LMNTD1: variants seen among roughly 807,000 people sequenced by gnomAD.
LMNTD1 encodes lamin tail domain containing 1.
A neutral mutation model predicts 50.9 loss-of-function variants in LMNTD1; 35 were observed. The observed-to-expected ratio is 0.69, with a 90% confidence interval of 0.53 to 0.91. The LOEUF (loss-of-function observed/expected upper bound fraction) is 0.91. Ranked by LOEUF, LMNTD1 falls within the 40% of genes least tolerant of loss-of-function variation. The pLI is 0.00. For synonymous variants in LMNTD1, 153 were observed against 161.9 expected (o/e 0.94, Z 0.42); for missense variants, 470 against 475.5 (o/e 0.99, Z 0.11).
chr12:25,620,578 T>C (rs912720839), intron 1 of LMNTD1, among the ~76,000 whole-genome samples: 28 of 152,164 alleles, frequency 1.8e-4, no homozygotes, highest in African/African-American at 6.5e-4. Context: ...CTGCTGCTAT[T>C]ATGTGACTCT....
At chr12:25,519,609 G>A (rs1386700579) in intron 7 of LMNTD1, among the ~76,000 whole-genome samples, 176 of 67,624 alleles carry the variant, frequency 2.6e-3, no homozygotes, top group East Asian at 7.0e-3. Flanking sequence ...AAAAAAAAAA[G>A]TGAAATGGCC....
At chr12:25,643,446 T>C (rs1363135973) in intron 1 of LMNTD1, among the ~76,000 whole-genome samples, 1 of 152,174 alleles carries the variant, frequency 6.6e-6, no homozygotes, top group Non-Finnish European at 1.5e-5. Flanking sequence ...GGCCGGATGA[T>C]AGAGGGCTTT....
chr12:25,642,213 G>C (rs1946970661), intron 1 of LMNTD1, among the ~76,000 whole-genome samples: 1 of 152,166 alleles, frequency 6.6e-6, no homozygotes, highest in African/African-American at 2.4e-5. Flanking sequence ...GAATGTTTGT[G>C]ATCCTTCCCC....
chr12:25,627,551 T>A (rs1375788134), intron 1 of LMNTD1, among the ~76,000 whole-genome samples: 1 of 152,174 alleles, frequency 6.6e-6, no homozygotes, highest in Non-Finnish European at 1.5e-5. Context: ...TAAACTCGAA[T>A]CAGTGAAAAT....
At chr12:25,501,753 T>C (rs1420181900) in intron 9 of LMNTD1, among the ~76,000 whole-genome samples, 1 of 152,154 alleles carries the variant, frequency 6.6e-6, no homozygotes, top group Non-Finnish European at 1.5e-5. Flanking sequence ...AGGATGCTCA[T>C]GAATACCAGT....
rs186563567 is a variant in LMNTD1, at chr12:25,527,572, T to C, written c.492-617A>G. On this transcript the variant is annotated intron_variant, in intron 4 of 9. Transcript: ENST00000458174. Reference sequence around the variant, plus strand: ...ACTTTGGTAAGTGAGGACCCCCATCTTGGAAATAAGATATATCTGTACCAA... The same window carrying C: ...ACTTTGGTAAGTGAGGACCCCCATCCTGGAAATAAGATATATCTGTACCAA... Among the ~76,000 whole-genome samples, 337 of 146,374 alleles carry C rather than the reference T, an allele frequency of 2.3e-3. 3 individuals are homozygous for C. Among genetic ancestry groups the C allele is most frequent in the African/African-American group, 8.1e-3 (321 of 39,854 alleles).
intron 1 of LMNTD1, among the ~76,000 whole-genome samples, chr12:25,645,219 G>T (rs1947041800): frequency 6.6e-6 from 1 of 152,166 alleles, no homozygotes; most frequent in South Asian, 2.1e-4. Context: ...GGAGAGTGGG[G>T]CCAGAAAATT....
chr12:25,604,605 T>A (rs1244833084), intron 1 of LMNTD1, among the ~76,000 whole-genome samples: 4 of 152,072 alleles, frequency 2.6e-5, no homozygotes, highest in Non-Finnish European at 5.9e-5. Flanking sequence ...AGTGTTTGGT[T>A]TTTTGTCCTT....
chr12:25,529,296 A>G (rs1489153883), intron 4 of LMNTD1, among the ~76,000 whole-genome samples: 2 of 152,144 alleles, frequency 1.3e-5, no homozygotes, highest in Non-Finnish European at 2.9e-5. Flanking sequence ...TTATCCATGA[A>G]CAGTGTTTAC....
chr12:25,558,102 G>C (rs141474824), upstream of LMNTD1, among the ~76,000 whole-genome samples: 523 of 152,224 alleles, frequency 3.4e-3, 7 homozygotes, highest in East Asian at 0.025. Context: ...AATTAAAGGA[G>C]TAAGAAAGAT....
chr12:25,619,248 C>CTATATA (rs1256778114), intron 1 of LMNTD1, among the ~76,000 whole-genome samples: 4 of 78,542 alleles, frequency 5.1e-5, no homozygotes, highest in African/African-American at 2.1e-4. Context: ...CTCTCTCTCT[C>CTATATA]TCTCTATATA....
Position 25,518,810 on chromosome 12 carries a change from G to C in LMNTD1, c.1174C>G (p.Pro392Ala). 5.0e-6 allele frequency: 8 copies of C among 1,614,090 alleles called. No individual in the cohort carries two copies. Among genetic ancestry groups the C allele is most frequent in the Non-Finnish European group, 5.9e-6 (7 of 1,180,016 alleles). Residue 392 changes from proline to alanine, a missense_variant, in exon 8 of 10, where the codon CCT (proline) becomes GCT (alanine). Coordinates refer to ENST00000458174, the MANE Select transcript of LMNTD1 (RefSeq NM_001145728.2). Reference protein sequence around the residue: ...DRQPRTRSTRPNRASGSKKKK... With the variant: ...DRQPRTRSTRANRASGSKKKK... ...TTTAACTGACCTGAGGCTCGATTAG[G>C]TCTGGTTGACCGAGTCCTGGGCTGT... is the stretch of plus-strand genomic sequence containing the variant.
At chr12:25,513,543 C>G (rs185727885) in intron 8 of LMNTD1, among the ~76,000 whole-genome samples, 2 of 152,106 alleles carry the variant, frequency 1.3e-5, no homozygotes, top group African/African-American at 4.8e-5. Flanking sequence ...GGCTGAGGCA[C>G]GAGAATCACT....
chr12:25,522,117 G>T (rs79928812), intron 6 of LMNTD1, among the ~76,000 whole-genome samples: 3,287 of 152,216 alleles, frequency 0.022, 91 homozygotes, highest in African/African-American at 0.063. Context: ...CACAAGGTCA[G>T]TTCAGCTAGG....
intron 8 of LMNTD1, among the ~76,000 whole-genome samples, chr12:25,506,788 A>G (rs185252361): frequency 4.6e-5 from 7 of 151,954 alleles, no homozygotes; most frequent in Admixed American, 1.3e-4. Flanking sequence ...AAATTTAAAC[A>G]TACAGAAAAT....
rs2136240069 is a variant in LMNTD1, at chr12:25,549,422, A to C, written c.214T>G (p.Ser72Ala). Residue 72 changes from serine (S) to alanine (A), a missense_variant, in exon 3 of 10, where the codon TCT (serine) becomes GCT (alanine). Physicochemically the swap from Ser to Ala is moderately conservative, Grantham distance 99. Coordinates refer to ENST00000458174, the MANE Select transcript of LMNTD1 (RefSeq NM_001145728.2). The stretch of plus-strand genomic sequence containing the variant: ...GTTACTCTACTAATCTGAGGACTAG[A>C]CAGATAGTAACCAAGAGGCATTCCA... ...SSGMPLGYYL[S>A]SPQISRVTIS... 6.2e-7 allele frequency: 1 copy of C among 1,612,636 alleles called. No individual in the cohort carries two copies. The highest frequency in any genetic ancestry group is 1.1e-5 in the South Asian group (1 of 91,028).
At chr12:25,626,202 A>T (rs1219141949) in intron 1 of LMNTD1, among the ~76,000 whole-genome samples, 1 of 152,194 alleles carries the variant, frequency 6.6e-6, no homozygotes, top group Non-Finnish European at 1.5e-5. Flanking sequence ...ATTCCTTTTT[A>T]AAAAATTTAA....
chr12:25,501,959 G>C (rs1023371214), intron 9 of LMNTD1, among the ~76,000 whole-genome samples: 5 of 152,198 alleles, frequency 3.3e-5, no homozygotes, highest in Non-Finnish European at 7.3e-5. Context: ...GATACCACCA[G>C]AGGGGGGTGG....
rs146074144 is a variant in LMNTD1, at chr12:25,483,706, A to G, written c.*23-7246T>C. Among the ~76,000 whole-genome samples the G allele has an allele frequency of 1.1e-4, 16 of 151,794 alleles. No individual in the cohort carries two copies. The East Asian group carries it at 3.1e-3, about 29-fold the overall frequency. ...AGCATCATTTGAACTCAGGAGGCGG[A>G]AGTTGCAGTGAGCCAAGATTGCGCC... On this transcript the variant is annotated intron_variant, in intron 9 of 9. Coordinates refer to ENST00000458174, the MANE Select transcript of LMNTD1 (RefSeq NM_001145728.2).
Sources: allele counts gnomAD v4.1 joint callset (sites outside exome capture counted in the v4.1 genomes callset), GRCh38; gene constraint gnomAD v4.1.1; transcripts MANE v1.5; gene names NCBI Gene and HGNC (gene_info 2026-07-23, HGNC 2026-07-21).